The following TIAM2 variants were observed in gnomAD, a reference collection of about 807,000 sequenced individuals.
TIAM2 encodes the protein TIAM Rac1 associated GEF 2, also known as rho guanine nucleotide exchange factor TIAM2.
Under a neutral mutation model 152.9 loss-of-function variants are expected in TIAM2, and 80 were observed. The observed-to-expected ratio is 0.52, with a 90% CI of 0.44 to 0.63. TIAM2 has a LOEUF of 0.63. Ranked by LOEUF, TIAM2 falls within the 30% of genes least tolerant of loss-of-function variation. TIAM2 has a pLI of 0.00. For missense variants in TIAM2, 1,965 were observed against 2,120.1 expected (o/e 0.93, Z 1.44); for synonymous variants, 804 against 838.0 (o/e 0.96, Z 0.70).
At chr6:155,020,471 TTTG>T (rs1275613517) in intron 1 of TIAM2, among the ~76,000 whole-genome samples, 1 of 152,274 alleles carries the variant, frequency 6.6e-6, no homozygotes, top group African/African-American at 2.4e-5. Flanking sequence ...TGTTGTTGTT[TTTG>T]TTGTTGTGAT....
intron 1 of TIAM2, among the ~76,000 whole-genome samples, chr6:155,059,281 T>G (rs554772304): frequency 8.2e-6 from 1 of 121,360 alleles, no homozygotes. Context: ...AATGTCCCTT[T>G]CTGTGTGTGT....
At chr6:155,029,636 T>TAG (rs777164513) in intron 1 of TIAM2, among the ~76,000 whole-genome samples, 2 of 83,416 alleles carry the variant, frequency 2.4e-5, no homozygotes, top group African/African-American at 9.2e-5. Context: ...TAACTATATA[T>TAG]AGTTATATAA....
At chr6:155,225,957 A>G (rs1782225605) in intron 15 of TIAM2, among the ~76,000 whole-genome samples, 1 of 152,192 alleles carries the variant, frequency 6.6e-6, no homozygotes, top group African/African-American at 2.4e-5. Flanking sequence ...CCTTGGCAGT[A>G]CCCCTGCTTA....
chr6:155,084,494 A>C (rs920647985), intron 1 of TIAM2, among the ~76,000 whole-genome samples: 2 of 152,248 alleles, frequency 1.3e-5, no homozygotes, highest in Non-Finnish European at 2.9e-5. Flanking sequence ...GACTTACTCT[A>C]AACAGGAGCC....
In TIAM2 at chr6:155,163,399, A is replaced by G. The variant is rs528523690; in HGVS notation, c.2029-1016A>G. ...AATAACTTATCTTTGCATGAAGGTA[A>G]TACTTGTAGGTAATGCATTTTATAT... is the stretch of plus-strand genomic sequence containing the variant. On this transcript the variant is annotated intron_variant, in intron 7 of 26. Coordinates refer to ENST00000682666, the MANE Select transcript of TIAM2 (RefSeq NM_012454.4). 7.2e-5 allele frequency among the ~76,000 whole-genome samples: 11 copies of G among 152,320 alleles called. No homozygotes were observed. In the South Asian group the frequency reaches 2.3e-3, roughly 32 times the overall value.
At chr6:155,235,078 G>C (rs953427465) in intron 15 of TIAM2, among the ~76,000 whole-genome samples, 1 of 151,914 alleles carries the variant, frequency 6.6e-6, no homozygotes, top group Non-Finnish European at 1.5e-5. Flanking sequence ...CTAGAGAGGG[G>C]AACGGGCCCT....
At position 155,133,040 on chromosome 6, in the gene TIAM2, G is replaced by C. The variant is rs144888988; in HGVS notation, c.1194+2623G>C. 1.2e-3 allele frequency among the ~76,000 whole-genome samples: 190 copies of C among 152,290 alleles called. 1 individual carries two copies. Among genetic ancestry groups the C allele is most frequent in the African/African-American group, 4.5e-3 (185 of 41,550 alleles). On this transcript the variant is annotated intron_variant, in intron 4 of 26. Transcript: ENST00000682666. ...TTGTCCAAAAACTTAACTCTGAATTGTGTGCCTGTAGAGTTAAAAACAAAC... is the reference window on the plus strand; with the variant it reads ...TTGTCCAAAAACTTAACTCTGAATTCTGTGCCTGTAGAGTTAAAAACAAAC...
At chr6:155,208,989 C>T (rs927400734) in intron 14 of TIAM2, among the ~76,000 whole-genome samples, 1 of 152,030 alleles carries the variant, frequency 6.6e-6, no homozygotes, top group Admixed American at 6.5e-5. Flanking sequence ...GCCCACCCCG[C>T]CTTGTCATCT....
chr6:155,195,618 T>C (rs1366522468), intron 14 of TIAM2, among the ~76,000 whole-genome samples: 1 of 151,448 alleles, frequency 6.6e-6, no homozygotes, highest in Non-Finnish European at 1.5e-5. Context: ...TAATAAGTTA[T>C]ATAATGTATT....
At chr6:155,104,424 T>C (rs960617322) in intron 2 of TIAM2, among the ~76,000 whole-genome samples, 6 of 152,106 alleles carry the variant, frequency 3.9e-5, no homozygotes, top group Non-Finnish European at 8.8e-5. Context: ...ACTATTACAC[T>C]GATGGTCTTC....
chr6:155,219,021 C>T (rs1310886619), intron 15 of TIAM2, among the ~76,000 whole-genome samples: 4 of 42,364 alleles, frequency 9.4e-5, no homozygotes, highest in Non-Finnish European at 1.6e-4. Context: ...CCATCTCAGC[C>T]GCCCACCCGT....
chr6:155,011,616 T>C (rs1409583230), intron 1 of TIAM2, among the ~76,000 whole-genome samples: 1 of 152,242 alleles, frequency 6.6e-6, no homozygotes, highest in Admixed American at 6.5e-5. Context: ...AATTTAAACA[T>C]GTGCTAAGCA....
At chr6:155,193,722 G>A (rs1434391426) in intron 14 of TIAM2, among the ~76,000 whole-genome samples, 1 of 152,142 alleles carries the variant, frequency 6.6e-6, no homozygotes, top group African/African-American at 2.4e-5. Context: ...TTCCAAGGGT[G>A]GAGGTTTAGG....
intron 14 of TIAM2, among the ~76,000 whole-genome samples, chr6:155,183,712 A>G (rs1466546380): frequency 6.6e-6 from 1 of 152,140 alleles, no homozygotes; most frequent in Non-Finnish European, 1.5e-5. Context: ...GAAAATAATT[A>G]TTTTTGCACA....
At chr6:155,112,100 G>A (rs1778867027) in intron 2 of TIAM2, among the ~76,000 whole-genome samples, 1 of 150,752 alleles carries the variant, frequency 6.6e-6, no homozygotes, top group Non-Finnish European at 1.5e-5. Context: ...TTGGCTTTAG[G>A]TGCCACATAC....
intron 26 of TIAM2, 61 bp from the exon 27 acceptor site, chr6:155,256,423 A>G (rs1289888438): frequency 6.2e-7 from 1 of 1,605,358 alleles, no homozygotes; most frequent in Admixed American, 1.7e-5. Flanking sequence ...CTTTGAGGCA[A>G]ACATTACACA....
At chr6:155,063,221 A>T (rs1455276776) in intron 1 of TIAM2, among the ~76,000 whole-genome samples, 1 of 152,142 alleles carries the variant, frequency 6.6e-6, no homozygotes, top group Admixed American at 6.5e-5. Context: ...CAGTAACAAG[A>T]TCTCTGCAAC....
At chr6:155,078,432 T>C (rs1778000201) in intron 1 of TIAM2, among the ~76,000 whole-genome samples, 1 of 152,220 alleles carries the variant, frequency 6.6e-6, no homozygotes, top group Non-Finnish European at 1.5e-5. Context: ...GCTTTTCTCC[T>C]TGTACTCACG....
intron 7 of TIAM2, among the ~76,000 whole-genome samples, chr6:155,152,866 T>G (rs1780008859): frequency 6.6e-6 from 1 of 152,146 alleles, no homozygotes; most frequent in Admixed American, 6.6e-5. Flanking sequence ...AGCAGACATT[T>G]TTTTAAAAAT....
Sources: gnomAD v4.1 joint callset for allele counts (sites outside exome capture counted in the v4.1 genomes callset) on GRCh38, gnomAD v4.1.1 for gene constraint, MANE v1.5 for transcripts, NCBI Gene and HGNC (gene_info 2026-07-23, HGNC 2026-07-21) for gene names.